Variants in WDR64 observed in about 807,000 individuals in gnomAD.
WDR64 encodes the protein WD repeat-containing protein 64.
In WDR64, 112 loss-of-function variants were observed where a neutral mutation model predicts 139.3. That is an observed-to-expected ratio of 0.80 (90% CI 0.69 to 0.94). WDR64 has a LOEUF of 0.94. Ranked by LOEUF, WDR64 falls within the 40% of genes least tolerant of loss-of-function variation. The pLI is 0.00. For synonymous variants in WDR64, 444 were observed against 437.7 expected (o/e 1.01, Z -0.18); for missense variants, 1,206 against 1,293.1 (o/e 0.93, Z 1.03).
chr1:241,729,054 T>G (rs1044654784), intron 10 of WDR64, among the ~76,000 whole-genome samples: 1 of 152,206 alleles, frequency 6.6e-6, no homozygotes, highest in African/African-American at 2.4e-5. Context: ...CTTCAAGTCT[T>G]CTCTTCCTTA....
intron 8 of WDR64, among the ~76,000 whole-genome samples, chr1:241,698,317 T>C (rs897032239): frequency 1.3e-5 from 2 of 152,184 alleles, no homozygotes; most frequent in African/African-American, 2.4e-5. Context: ...AATTTGTCCA[T>C]ATTGCCTCAT....
At chr1:241,735,552 T>TTTTTG (rs1669274094) in intron 10 of WDR64, among the ~76,000 whole-genome samples, 1 of 135,332 alleles carries the variant, frequency 7.4e-6, no homozygotes, top group African/African-American at 2.6e-5. Flanking sequence ...TTTTTTTTTT[T>TTTTTG]GATACGGAAT....
chr1:241,735,006 G>A (rs1447411185), intron 10 of WDR64, among the ~76,000 whole-genome samples: 1 of 152,116 alleles, frequency 6.6e-6, no homozygotes, highest in Non-Finnish European at 1.5e-5. Context: ...GCATCTAATT[G>A]GAAGGGAGTG....
intron 10 of WDR64, among the ~76,000 whole-genome samples, chr1:241,730,369 G>A (rs1294404478): frequency 6.6e-6 from 1 of 152,134 alleles, no homozygotes; most frequent in African/African-American, 2.4e-5. Context: ...TCTTAGCTAT[G>A]ATTGCACATT....
intron 22 of WDR64, among the ~76,000 whole-genome samples, chr1:241,782,426 G>A (rs1452315303): frequency 6.6e-6 from 1 of 152,192 alleles, no homozygotes; most frequent in African/African-American, 2.4e-5. Context: ...TAGAAGACTC[G>A]CAGGAGAACT....
intron 7 of WDR64, among the ~76,000 whole-genome samples, chr1:241,683,971 C>T (rs921046088): frequency 7.3e-5 from 11 of 151,332 alleles, no homozygotes. Context: ...ACAACTAAAA[C>T]TTACAGGTAC....
At chr1:241,732,411 G>A (rs573277271) in intron 10 of WDR64, among the ~76,000 whole-genome samples, 5 of 152,224 alleles carry the variant, frequency 3.3e-5, no homozygotes, top group East Asian at 1.9e-4. Flanking sequence ...TAACACCTAG[G>A]CTAGAATTTT....
At chr1:241,715,015 A>G (rs889651482) in intron 9 of WDR64, among the ~76,000 whole-genome samples, 1 of 152,214 alleles carries the variant, frequency 6.6e-6, no homozygotes, top group Admixed American at 6.5e-5. Flanking sequence ...GCTACTCAAT[A>G]TATAATTACA....
At chr1:241,756,320 G>A (rs1670189520) in intron 14 of WDR64, among the ~76,000 whole-genome samples, 2 of 152,074 alleles carry the variant, frequency 1.3e-5, no homozygotes, top group South Asian at 4.1e-4. Flanking sequence ...TCTCTTCGTA[G>A]TAACTGTGAA....
intron 10 of WDR64, among the ~76,000 whole-genome samples, chr1:241,735,529 CTCTCTT>C (rs1558498029): frequency 1.0e-5 from 1 of 98,686 alleles, no homozygotes; most frequent in East Asian, 3.7e-4. Flanking sequence ...CTCTCTCTCT[CTCTCTT>C]TTTTTTTTTT....
At chr1:241,789,530 C>T (rs528712934) in intron 24 of WDR64, among the ~76,000 whole-genome samples, 20 of 152,210 alleles carry the variant, frequency 1.3e-4, no homozygotes, top group African/African-American at 3.6e-4. Context: ...ATATACACCA[C>T]GAAATACTAT....
intron 27 of WDR64, among the ~76,000 whole-genome samples, chr1:241,797,405 C>T (rs1659398038): frequency 1.3e-5 from 2 of 152,276 alleles, no homozygotes; most frequent in South Asian, 4.1e-4. Context: ...TTTATCCAGT[C>T]ATTAAAATAG....
chr1:241,762,305 C>CTT (rs60911392), intron 15 of WDR64, among the ~76,000 whole-genome samples: 1 of 150,054 alleles, frequency 6.7e-6, no homozygotes, highest in African/African-American at 2.4e-5. Context: ...TGAAAGGAAT[C>CTT]TTTTTTTTTT....
intron 14 of WDR64, among the ~76,000 whole-genome samples, chr1:241,750,098 C>T (rs1325311182): frequency 6.6e-6 from 1 of 152,170 alleles, no homozygotes; most frequent in Non-Finnish European, 1.5e-5. Flanking sequence ...ACCCATAATG[C>T]ATTCAGGAAT....
chr1:241,731,310 A>C (rs141815497), intron 10 of WDR64, among the ~76,000 whole-genome samples: 104 of 152,094 alleles, frequency 6.8e-4, no homozygotes, highest in African/African-American at 2.5e-3. Context: ...GGAGTTCAAG[A>C]CCAACCTGGG....
At chr1:241,716,673 TG>T (rs2148186387) in intron 9 of WDR64, among the ~76,000 whole-genome samples, 1 of 147,506 alleles carries the variant, frequency 6.8e-6, no homozygotes, top group Non-Finnish European at 1.5e-5. Flanking sequence ...ATGATGATGA[TG>T]ATGGCGATGG....
Position 241,769,436 on chromosome 1 carries a change from C to T in WDR64, c.2114C>T (p.Pro705Leu), listed in dbSNP as rs908001210. Reference protein sequence around the residue: ...YRPEDCFTVNPDLHPKHFKIN... With the variant: ...YRPEDCFTVNLDLHPKHFKIN... ...CCTGAAGATTGCTTCACTGTAAACC[C>T]TGACTTGCATCCCAAGCACTTTAAA... Residue 705 changes from proline (P) to leucine (L), a missense_variant, in exon 17 of 28, where the codon CCT becomes CTT. Physicochemically the swap from Pro to Leu is moderately conservative, Grantham distance 98. Transcript: ENST00000437684. 7 of 1,551,368 alleles carry T rather than the reference C, an allele frequency of 4.5e-6. No homozygotes were observed. The African/African-American group carries it at 8.2e-5, about 18-fold the overall frequency.
intron 15 of WDR64, among the ~76,000 whole-genome samples, chr1:241,765,671 T>C (rs1002034818): frequency 6.6e-5 from 10 of 152,226 alleles, no homozygotes; most frequent in Non-Finnish European, 1.2e-4. Context: ...CACTTTCACA[T>C]TGCACTGTAA....
chr1:241,718,798 A>C (rs537001364), intron 9 of WDR64, among the ~76,000 whole-genome samples: 1 of 152,220 alleles, frequency 6.6e-6, no homozygotes, highest in South Asian at 2.1e-4. Flanking sequence ...GCTTGTAGAC[A>C]TCTGCCTTCT....
Sources: allele counts gnomAD v4.1 joint callset (sites outside exome capture counted in the v4.1 genomes callset), GRCh38; gene constraint gnomAD v4.1.1; transcripts MANE v1.5; gene names NCBI Gene and HGNC (gene_info 2026-07-23, HGNC 2026-07-21).